The following CPNE3 variants were observed in gnomAD, a reference collection of about 807,000 sequenced individuals.
The protein encoded by CPNE3 is copine-3.
CPNE3 carries 68 observed loss-of-function variants against 63.9 expected under a neutral mutation model. The ratio of observed to expected loss-of-function variants is 1.06; its 90% CI spans 0.87 to 1.30. The LOEUF is 1.30. Ranked by LOEUF, CPNE3 falls within the 50% of genes most tolerant of loss-of-function variation. The pLI is 0.00. For missense variants in CPNE3, 665 were observed against 578.1 expected (o/e 1.15, Z -1.54); for synonymous variants, 219 against 197.5 (o/e 1.11, Z -0.91).
In CPNE3 at chr8:86,546,641, G is replaced by A. The variant is rs1390211369; in HGVS notation, c.779G>A (p.Ser260Asn). 1.2e-6 allele frequency: 2 copies of A among 1,613,616 alleles called. No individual in the cohort carries two copies. The highest frequency in any genetic ancestry group is 3.3e-5 in the Admixed American group (2 of 59,932). The change falls in exon 10 of 17, where the codon AGC (serine) becomes AAC (asparagine). Residue 260 changes from serine to asparagine, a missense_variant. By Grantham distance (46) the Ser-to-Asn change is conservative. Coordinates refer to ENST00000517490, the MANE Select transcript of CPNE3 (RefSeq NM_003909.5). The stretch of plus-strand genomic sequence containing the variant: ...GAGAAAAAAAGGCAAAAGAAAAAAA[G>A]CTACAAGAATTCAGGTGTTATCAGT... ...INEKKRQKKK[S>N]YKNSGVISVK...
At chr8:86,540,954 C>T (rs1320615624) in intron 8 of CPNE3, among the ~76,000 whole-genome samples, 2 of 151,938 alleles carry the variant, frequency 1.3e-5, no homozygotes, top group African/African-American at 4.8e-5. Context: ...AAAGAAAACT[C>T]ATGGAGTGGT....
chr8:86,531,651 G>A (rs1484382971), intron 5 of CPNE3, among the ~76,000 whole-genome samples: 1 of 104,500 alleles, frequency 9.6e-6, no homozygotes, highest in Non-Finnish European at 2.2e-5. Context: ...CATGGTCAAT[G>A]AACCTATAAA....
At chr8:86,514,984 A>G (rs2131407838) in intron 1 of CPNE3, among the ~76,000 whole-genome samples, 1 of 152,298 alleles carries the variant, frequency 6.6e-6, no homozygotes, top group Admixed American at 6.5e-5. Context: ...GGGTACCCAC[A>G]CCACGTCCGT....
intron 3 of CPNE3, 130 bp downstream of exon 3, chr8:86,528,807 G>A: frequency 7.4e-7 from 1 of 1,358,686 alleles, no homozygotes; most frequent in Non-Finnish European, 9.8e-7. Context: ...GTTTGTCCTT[G>A]ATTGTAGAAT....
At position 86,544,824 on chromosome 8, in the gene CPNE3, TC is replaced by T; in HGVS notation, c.720del (p.Arg241GlufsTer10). 6.3e-7 allele frequency: 1 copy of T among 1,589,686 alleles called. No homozygotes were observed. Among genetic ancestry groups the T allele is most frequent in the Non-Finnish European group, 8.6e-7 (1 of 1,165,818 alleles). The part of the protein sequence containing the change: ...QTTMTKLKEA[S>X]RSSPVEFECI... ...CACCATGACAAAACTGAAAGAAGCC[TC>T]CAGAAGCTCACCTGTAAGTTACATC... On this transcript the variant is annotated frameshift_variant, in exon 9 of 17. Transcript: ENST00000517490. LOFTEE classifies it high-confidence loss of function.
At chr8:86,531,055 T>C in intron 4 of CPNE3, 100 bp from the exon 5 acceptor site, 1 of 689,612 alleles carries the variant, frequency 1.5e-6, no homozygotes, top group Non-Finnish European at 2.6e-6. Context: ...CTAATGACTT[T>C]AAGTGAACCT....
intron 6 of CPNE3, among the ~76,000 whole-genome samples, chr8:86,534,912 TTC>T (rs1319440315): frequency 6.6e-6 from 1 of 152,216 alleles, no homozygotes; most frequent in Non-Finnish European, 1.5e-5. Flanking sequence ...GTGTGTTTTG[TTC>T]TGTTTTAGAA....
In CPNE3 at chr8:86,537,987, T is replaced by TCTCTCA. The variant is rs60088535; in HGVS notation, c.543+342_543+343insTCTCAC. Among the ~76,000 whole-genome samples the TCTCTCA allele has an allele frequency of 5.6e-5, 8 of 142,314 alleles. No homozygotes were observed. In the East Asian group the frequency reaches 1.4e-3, roughly 25 times the overall value. 93.4% of individuals were successfully genotyped at this position (142,314 alleles called of 152,430 possible). A position where few individuals can be genotyped will look rare whatever the true frequency, so the allele number is the denominator to read the frequency against. On this transcript the variant is annotated intron_variant, in intron 7 of 16. Transcript: ENST00000517490. Reference sequence around the variant, plus strand: ...CTCTGTCTCTCTCTCTCTCTCTCTCTCACACACACACACACACACACTTAT... The same window carrying TCTCTCA: ...CTCTGTCTCTCTCTCTCTCTCTCTCTCTCTCACACACACACACACACACACACTTAT...
chr8:86,554,825 GT>G (rs759407811), intron 14 of CPNE3, 25 bp from the exon 15 acceptor site: 5 of 1,609,156 alleles, frequency 3.1e-6, no homozygotes, highest in Non-Finnish European at 4.2e-6. Flanking sequence ...TTTTAGTACT[GT>G]TTTTTATTTG....
intron 2 of CPNE3, among the ~76,000 whole-genome samples, chr8:86,526,207 G>A (rs1327554081): frequency 6.6e-6 from 1 of 151,388 alleles, no homozygotes; most frequent in Admixed American, 6.6e-5. Context: ...CAGCCTGGAC[G>A]ACAGAGCAAG....
intron 2 of CPNE3, among the ~76,000 whole-genome samples, chr8:86,522,927 G>T (rs985190178): frequency 6.6e-6 from 1 of 152,202 alleles, no homozygotes; most frequent in African/African-American, 2.4e-5. Flanking sequence ...CCTCACCTGC[G>T]TACCTTATCT....
chr8:86,530,759 T>C (rs1820661229), intron 4 of CPNE3, among the ~76,000 whole-genome samples: 1 of 151,404 alleles, frequency 6.6e-6, no homozygotes, highest in African/African-American at 2.4e-5. Flanking sequence ...CAGTGCGATC[T>C]TGGCTCACTG....
intron 2 of CPNE3, among the ~76,000 whole-genome samples, chr8:86,519,961 C>T (rs1382167510): frequency 1.3e-5 from 2 of 152,194 alleles, no homozygotes; most frequent in Non-Finnish European, 1.5e-5. Flanking sequence ...ATCCGCCCGC[C>T]TCAGCCTCCC....
In CPNE3 at chr8:86,539,473, G is replaced by T. The variant is rs1002783362; in HGVS notation, c.544-772G>T. Among the ~76,000 whole-genome samples, 9 of 152,082 alleles carry T rather than the reference G, an allele frequency of 5.9e-5. No individual in the cohort carries two copies. In the South Asian group the frequency reaches 8.3e-4, roughly 14 times the overall value. On this transcript the variant is annotated intron_variant, in intron 7 of 16. Coordinates refer to ENST00000517490, the MANE Select transcript of CPNE3 (RefSeq NM_003909.5). ...ACACAGCTAAGAAATATGTATATTT[G>T]TGTTTATCTGTTTATTATGTATGTA...
intron 8 of CPNE3, among the ~76,000 whole-genome samples, chr8:86,543,082 T>G (rs1174470098): frequency 6.6e-6 from 1 of 152,146 alleles, no homozygotes; most frequent in African/African-American, 2.4e-5. Flanking sequence ...ATTAAGATAG[T>G]TTGTTTTCTA....
intron 15 of CPNE3, among the ~76,000 whole-genome samples, chr8:86,555,884 A>G (rs1331756185): frequency 6.6e-6 from 1 of 152,114 alleles, no homozygotes; most frequent in Non-Finnish European, 1.5e-5. Flanking sequence ...TATTTTGCCA[A>G]CCCTATTTTG....
At position 86,528,616 on chromosome 8, in the gene CPNE3, G is replaced by A. The variant is rs747857249; in HGVS notation, c.71G>A (p.Gly24Glu). 4 of 1,614,026 alleles carry A rather than the reference G, an allele frequency of 2.5e-6. No homozygotes were observed. Among genetic ancestry groups the A allele is most frequent in the Non-Finnish European group, 3.4e-6 (4 of 1,179,980 alleles). Reference sequence around the variant, plus strand: ...GCCAATCTTTTGGATAAAGATATAGGGTCAAAGTCAGACCCTTTATGTGTG... The same window carrying A: ...GCCAATCTTTTGGATAAAGATATAGAGTCAAAGTCAGACCCTTTATGTGTG... Reference protein sequence around the residue: ...SCANLLDKDIGSKSDPLCVLF... With the variant: ...SCANLLDKDIESKSDPLCVLF... The change falls in exon 3 of 17, where the codon GGG becomes GAG. Residue 24 changes from glycine (G) to glutamate (E), a missense_variant. Coordinates refer to ENST00000517490, the MANE Select transcript of CPNE3 (RefSeq NM_003909.5).
At position 86,551,239 on chromosome 8, in the gene CPNE3, G is replaced by A. The variant is rs76255701; in HGVS notation, c.1120+5G>A. The A allele has an allele frequency of 7.6e-6, 12 of 1,572,542 alleles. No individual in the cohort carries two copies. In the East Asian group the frequency reaches 2.7e-4, roughly 35 times the overall value. On this transcript the variant is annotated splice_donor_5th_base_variant and intron_variant, in intron 14 of 16. Transcript: ENST00000517490. ...CATCCAATCCCTACTGCAATGGTAAGTTAAAAAATAAACATGAAGACTTCA... is the reference window on the plus strand; with the variant it reads ...CATCCAATCCCTACTGCAATGGTAAATTAAAAAATAAACATGAAGACTTCA...
At chr8:86,530,754 C>T (rs1389408593) in intron 4 of CPNE3, among the ~76,000 whole-genome samples, 2 of 148,426 alleles carry the variant, frequency 1.3e-5, no homozygotes, top group East Asian at 2.0e-4. Context: ...TGCAACAGTG[C>T]GATCTTGGCT....
Sources: gnomAD v4.1 joint callset for allele counts (sites outside exome capture counted in the v4.1 genomes callset) on GRCh38, gnomAD v4.1.1 for gene constraint, MANE v1.5 for transcripts, NCBI Gene and HGNC (gene_info 2026-07-23, HGNC 2026-07-21) for gene names.